The following HSD17B2 variants were observed in gnomAD, a reference collection of about 807,000 sequenced individuals.
The protein encoded by HSD17B2 is hydroxysteroid 17-beta dehydrogenase 2, also known as 17-beta-hydroxysteroid dehydrogenase type 2.
Under a neutral mutation model 26.9 loss-of-function variants are expected in HSD17B2, and 32 were observed. The observed-to-expected ratio is 1.19, with a 90% CI of 0.90 to 1.60. The LOEUF is 1.60. Ranked by LOEUF, HSD17B2 falls within the 40% of genes most tolerant of loss-of-function variation. HSD17B2 has a pLI of 0.00. For synonymous variants in HSD17B2, 246 were observed against 186.7 expected (o/e 1.32, Z -2.59); for missense variants, 613 against 468.6 (o/e 1.31, Z -2.85).
intron 1 of HSD17B2, among the ~76,000 whole-genome samples, chr16:82,059,217 C>G (rs1324481529): frequency 6.6e-6 from 1 of 152,232 alleles, no homozygotes; most frequent in Non-Finnish European, 1.5e-5. Flanking sequence ...TGCATCTTCT[C>G]TCTAGACCAG....
intron 4 of HSD17B2, chr16:82,096,139 T>C (rs1304466730): frequency 1.3e-5 from 2 of 152,356 alleles, no homozygotes; most frequent in East Asian, 3.9e-4. Context: ...GTGTGAATTA[T>C]ATTAAAATTA....
chr16:82,085,531 C>G (rs1234238527), intron 3 of HSD17B2, among the ~76,000 whole-genome samples: 3 of 152,022 alleles, frequency 2.0e-5, no homozygotes. Context: ...GTGCTTTCTA[C>G]TTTTCCAGGC....
At chr16:82,070,295 T>A (rs914372356) in intron 2 of HSD17B2, among the ~76,000 whole-genome samples, 1 of 152,114 alleles carries the variant, frequency 6.6e-6, no homozygotes, top group Non-Finnish European at 1.5e-5. Flanking sequence ...CTGATCCAAG[T>A]CCTGTCAATT....
chr16:82,057,364 A>G (rs2143952866), intron 1 of HSD17B2, among the ~76,000 whole-genome samples: 1 of 152,134 alleles, frequency 6.6e-6, no homozygotes, highest in East Asian at 1.9e-4. Flanking sequence ...ATGCCCGGCT[A>G]CTTTTTGTAT....
chr16:82,083,349 T>G lies in HSD17B2; in HGVS notation c.665-7553T>G, dbSNP rs528252074. Reference sequence around the variant, plus strand: ...AAAAGACATCATGTAGGAATACAGGTAAGAATCTTCTAGGATGCCAGGCAA... The same window carrying G: ...AAAAGACATCATGTAGGAATACAGGGAAGAATCTTCTAGGATGCCAGGCAA... On this transcript the variant is annotated intron_variant, in intron 3 of 4. Transcript: ENST00000199936. 8.5e-5 allele frequency among the ~76,000 whole-genome samples: 13 copies of G among 152,080 alleles called. No homozygotes were observed. In the South Asian group the frequency reaches 2.7e-3, roughly 32 times the overall value.
chr16:82,045,667 C>T (rs565115994), intron 1 of HSD17B2, among the ~76,000 whole-genome samples: 1 of 152,230 alleles, frequency 6.6e-6, no homozygotes, highest in Non-Finnish European at 1.5e-5. Flanking sequence ...TTCTTTTGCA[C>T]TCTGACTGTT....
intron 4 of HSD17B2, chr16:82,092,531 T>C (rs1904725498): frequency 1.3e-5 from 2 of 152,140 alleles, no homozygotes; most frequent in African/African-American, 4.8e-5. Context: ...ACAGAAATAT[T>C]GAAATTTTGG....
chr16:82,053,962 A>G (rs1228616594), intron 1 of HSD17B2, among the ~76,000 whole-genome samples: 1 of 152,220 alleles, frequency 6.6e-6, no homozygotes, highest in Non-Finnish European at 1.5e-5. Context: ...TTCAGATATC[A>G]CTTAAGGTCA....
chr16:82,057,104 GGAGAA>G (rs1313017143), intron 1 of HSD17B2, among the ~76,000 whole-genome samples: 1 of 152,070 alleles, frequency 6.6e-6, no homozygotes, highest in Non-Finnish European at 1.5e-5. Flanking sequence ...AATAAGCGAG[GGAGAA>G]GAGATAAATC....
intron 4 of HSD17B2, chr16:82,092,096 C>T (rs935168737): frequency 3.9e-5 from 6 of 152,188 alleles, no homozygotes; most frequent in African/African-American, 1.4e-4. Flanking sequence ...TAGTTTCATA[C>T]TAGGTTTCTT....
intron 3 of HSD17B2, among the ~76,000 whole-genome samples, chr16:82,074,888 G>A (rs1023073231): frequency 7.2e-5 from 11 of 152,166 alleles, no homozygotes; most frequent in African/African-American, 2.4e-4. Flanking sequence ...TCCAAAGGCT[G>A]CAGAATATGC....
At chr16:82,052,106 C>G (rs772357361) in intron 1 of HSD17B2, among the ~76,000 whole-genome samples, 7 of 152,146 alleles carry the variant, frequency 4.6e-5, no homozygotes, top group Non-Finnish European at 1.0e-4. Context: ...CAAGTCGTAT[C>G]CGAGATTTGA....
chr16:82,060,402 C>A (rs1914398860), intron 1 of HSD17B2, among the ~76,000 whole-genome samples: 1 of 152,170 alleles, frequency 6.6e-6, no homozygotes, highest in Admixed American at 6.5e-5. Flanking sequence ...GATCAGTGAA[C>A]CTTGTTTCTT....
At chr16:82,091,068 T>C (rs375722811) in intron 4 of HSD17B2, 29 bp downstream of exon 4, 10 of 1,612,422 alleles carry the variant, frequency 6.2e-6, no homozygotes, top group East Asian at 2.2e-5. Flanking sequence ...GAACCTGTGA[T>C]GTTCATCCTG....
rs1376638485 is a variant in HSD17B2, at chr16:82,068,336, G to A, written c.432G>A (p.Gln144=). The change falls in exon 2 of 5, where the codon CAG becomes CAA. Residue 144 remains glutamine (Q), a synonymous_variant. Coordinates refer to ENST00000199936, the MANE Select transcript of HSD17B2 (RefSeq NM_002153.3). ...VLQMDITKPV[Q]IKDAYSKVAA... is the part of the protein sequence containing the mutation. Reference sequence around the variant, plus strand: ...AAATGGACATCACGAAGCCAGTGCAGATAAAAGATGCTTACAGCAAGGTTG... The same window carrying A: ...AAATGGACATCACGAAGCCAGTGCAAATAAAAGATGCTTACAGCAAGGTTG... 6.2e-7 allele frequency: 1 copy of A among 1,613,856 alleles called. No individual in the cohort carries two copies. The highest frequency in any genetic ancestry group is 1.7e-5 in the Admixed American group (1 of 60,006).
intron 3 of HSD17B2, among the ~76,000 whole-genome samples, chr16:82,087,987 G>C (rs984397237): frequency 6.6e-6 from 1 of 152,174 alleles, no homozygotes; most frequent in Non-Finnish European, 1.5e-5. Context: ...TGGGGATTAA[G>C]TTTCAACATA....
intron 1 of HSD17B2, among the ~76,000 whole-genome samples, chr16:82,040,471 T>C (rs1474572006): frequency 6.6e-6 from 1 of 152,230 alleles, no homozygotes; most frequent in Non-Finnish European, 1.5e-5. Flanking sequence ...GTAGCCAAGA[T>C]TGGACTAAAC....
chr16:82,082,714 G>C (rs867905615), intron 3 of HSD17B2, among the ~76,000 whole-genome samples: 13 of 152,168 alleles, frequency 8.5e-5, no homozygotes, highest in Non-Finnish European at 1.8e-4. Flanking sequence ...CAGAGCTGAT[G>C]TTAAAACGCT....
intron 3 of HSD17B2, among the ~76,000 whole-genome samples, chr16:82,082,528 T>C (rs1389192867): frequency 1.3e-5 from 2 of 152,206 alleles, no homozygotes; most frequent in East Asian, 3.8e-4. Flanking sequence ...GTACAAGCTT[T>C]TGTGTGGACA....
Sources: gnomAD v4.1 joint callset for allele counts (sites outside exome capture counted in the v4.1 genomes callset) on GRCh38, gnomAD v4.1.1 for gene constraint, MANE v1.5 for transcripts, NCBI Gene and HGNC (gene_info 2026-07-23, HGNC 2026-07-21) for gene names.